The following YTHDC2 variants were observed in gnomAD, a reference collection of about 807,000 sequenced individuals.
The protein encoded by YTHDC2 is 3'-5' RNA helicase YTHDC2.
In YTHDC2, 45 loss-of-function variants were observed where a neutral mutation model predicts 174.9. That is an observed-to-expected ratio of 0.26 (90% CI 0.20 to 0.33). The LOEUF (loss-of-function observed/expected upper bound fraction) is 0.33. Among genes scored for constraint, YTHDC2 ranks in the 10% least tolerant of loss-of-function variants. YTHDC2 has a pLI of 1.00. For synonymous variants in YTHDC2, 657 were observed against 574.5 expected, an observed-to-expected ratio of 1.14 and a Z score of -2.05; for missense variants, 1,650 against 1,723.7, an observed-to-expected ratio of 0.96 and a Z score of 0.76.
At chr5:113,583,081 C>A (rs1413116394) in intron 25 of YTHDC2, 1 of 152,112 alleles carries the variant, frequency 6.6e-6, no homozygotes, top group Non-Finnish European at 1.5e-5. Context: ...ATGAAAAGTT[C>A]TGTTAGATTC....
intron 23 of YTHDC2, among the ~76,000 whole-genome samples, chr5:113,578,341 A>ATGAG (rs1778195139): frequency 6.6e-6 from 1 of 151,756 alleles, no homozygotes; most frequent in South Asian, 2.1e-4. Flanking sequence ...GACTATAGGC[A>ATGAG]TGAGTCACCA....
In YTHDC2 at chr5:113,593,486, C is replaced by G. The variant is rs1779113281; in HGVS notation, c.*12C>G. ...TTTTTTTCCCCTTTCTTCTAGAACT[C>G]TTAGCTGTGGAAGAACATCATGCCT... On this transcript the variant is annotated 3_prime_UTR_variant, in exon 30 of 30. Coordinates refer to ENST00000161863, the MANE Select transcript of YTHDC2 (RefSeq NM_022828.5). 2 of 977,500 alleles carry G rather than the reference C, an allele frequency of 2.0e-6. No homozygotes were observed. 60.6% of individuals were successfully genotyped at this position (977,500 alleles called of 1,614,324 possible).
chr5:113,567,297 G>T lies in YTHDC2; in HGVS notation c.3048G>T (p.Lys1016Asn). The T allele has an allele frequency of 6.2e-7, 1 of 1,600,304 alleles. No individual in the cohort carries two copies. Among genetic ancestry groups the T allele is most frequent in the Non-Finnish European group, 8.5e-7 (1 of 1,175,246 alleles). ...ASVLSQPQYK[K>N]IPPANGQAAA... ...TTCTCAGTCAGCCTCAATATAAAAA[G>T]GTAAAAGATTTTGAATGCTGTTGGG... The change falls in exon 22 of 30, where the codon AAG becomes AAT. Residue 1016 changes from lysine to asparagine, a missense_variant and splice_region_variant. Physicochemically the swap from Lys to Asn is moderately conservative, Grantham distance 94. Transcript: ENST00000161863.
chr5:113,589,408 A>AAAAATATATATATATATATATATAT (rs368975720), intron 26 of YTHDC2, among the ~76,000 whole-genome samples: 3 of 123,244 alleles, frequency 2.4e-5, no homozygotes, highest in African/African-American at 1.0e-4. Flanking sequence ...AAAAAAAAAA[A>AAAAATATATATATATATATATATAT]ATATATATAT....
chr5:113,515,440 T>G (rs1773349470), intron 2 of YTHDC2, 78 bp downstream of exon 2: 1 of 1,137,404 alleles, frequency 8.8e-7, no homozygotes, highest in Non-Finnish European at 1.3e-6. Flanking sequence ...TGAGTACATT[T>G]AAGTACTTAT....
intron 5 of YTHDC2, 151 bp from the exon 6 acceptor site, chr5:113,534,154 A>G: frequency 2.0e-6 from 1 of 497,676 alleles, no homozygotes; most frequent in East Asian, 3.0e-5. Context: ...ATAACTGCAA[A>G]ACCTCATAGC....
In YTHDC2 at chr5:113,590,942, A is replaced by G. The variant is rs1778971246; in HGVS notation, c.3826-99A>G. The G allele has an allele frequency of 6.1e-6, 6 of 980,768 alleles. No homozygotes were observed. In the South Asian group the frequency reaches 1.0e-4, roughly 17 times the overall value. 60.8% of individuals were successfully genotyped at this position (980,768 alleles called of 1,614,324 possible). ...TTTGCATTTGTTGAATATATGATAA[A>G]ATATTTTGGCTTATATGTTTATGAA... On this transcript the variant is annotated intron_variant, in intron 26 of 29. Coordinates refer to ENST00000161863, the MANE Select transcript of YTHDC2 (RefSeq NM_022828.5).
chr5:113,547,396 A>G (rs1775952238), intron 10 of YTHDC2, among the ~76,000 whole-genome samples: 1 of 152,212 alleles, frequency 6.6e-6, no homozygotes, highest in Non-Finnish European at 1.5e-5. Flanking sequence ...CCACCTCAAA[A>G]AACAAACCCC....
chr5:113,526,950 A>G (rs1014461766), intron 4 of YTHDC2, among the ~76,000 whole-genome samples, 165 bp downstream of exon 4: 11 of 151,636 alleles, frequency 7.3e-5, no homozygotes, highest in African/African-American at 2.7e-4. Flanking sequence ...TCAGAAGTAA[A>G]TTACTACTGG....
chr5:113,576,061 T>C (rs1778026337), intron 23 of YTHDC2, among the ~76,000 whole-genome samples: 2 of 152,174 alleles, frequency 1.3e-5, no homozygotes, highest in South Asian at 4.2e-4. Flanking sequence ...AAGGGTTCTT[T>C]TTAGACATGT....
intron 2 of YTHDC2, among the ~76,000 whole-genome samples, chr5:113,519,601 A>G (rs1773723097): frequency 6.6e-6 from 1 of 152,226 alleles, no homozygotes; most frequent in African/African-American, 2.4e-5. Context: ...TACCAAATAG[A>G]GTACCAAAGT....
intron 22 of YTHDC2, among the ~76,000 whole-genome samples, 155 bp downstream of exon 22, chr5:113,567,452 T>C (rs937204423): frequency 6.2e-5 from 9 of 144,558 alleles, no homozygotes; most frequent in Non-Finnish European, 1.2e-4. Flanking sequence ...ACAAAACTTA[T>C]AAATTTTAGA....
At position 113,566,030 on chromosome 5, in the gene YTHDC2, T is replaced by A. The variant is rs777402583; in HGVS notation, c.2842+11T>A. On this transcript the variant is annotated intron_variant, in intron 21 of 29. Transcript: ENST00000161863. ...AACTTAGAGCATCAGGTAAAGTTTT[T>A]CCCTCAAAGAGCCTATTTAAGTTAC... 1 of 1,595,324 alleles carries A rather than the reference T, an allele frequency of 6.3e-7. No individual in the cohort carries two copies. The highest frequency in any genetic ancestry group is 2.3e-5 in the East Asian group (1 of 44,252).
At chr5:113,548,772 T>C in intron 11 of YTHDC2, 105 bp downstream of exon 11, 2 of 1,293,186 alleles carry the variant, frequency 1.5e-6, no homozygotes, top group Admixed American at 3.1e-5. Context: ...TGTGTAATAA[T>C]TGCTGGTGAA....
intron 20 of YTHDC2, 119 bp downstream of exon 20, chr5:113,564,250 A>T: frequency 9.0e-7 from 1 of 1,115,218 alleles, no homozygotes; most frequent in South Asian, 1.9e-5. Context: ...TTGTTTCATT[A>T]TGAAGTCACA....
intron 10 of YTHDC2, 134 bp from the exon 11 acceptor site, chr5:113,548,407 A>G: frequency 2.6e-6 from 2 of 762,614 alleles, no homozygotes; most frequent in South Asian, 1.9e-5. Flanking sequence ...TAGTGCTGTC[A>G]TTATGTAGTT....
chr5:113,569,701 ATG>A (rs1777588770), intron 23 of YTHDC2, among the ~76,000 whole-genome samples: 1 of 151,958 alleles, frequency 6.6e-6, no homozygotes, highest in Non-Finnish European at 1.5e-5. Context: ...CCATCATTCT[ATG>A]TGTTTGTTCT....
At chr5:113,587,959 G>C (rs1211955928) in intron 26 of YTHDC2, among the ~76,000 whole-genome samples, 2 of 151,934 alleles carry the variant, frequency 1.3e-5, no homozygotes, top group Non-Finnish European at 2.9e-5. Context: ...AAATTTCAGA[G>C]TACAAGTATT....
At chr5:113,589,404 A>G (rs1386240882) in intron 26 of YTHDC2, among the ~76,000 whole-genome samples, 11 of 114,534 alleles carry the variant, frequency 9.6e-5, no homozygotes, top group African/African-American at 4.4e-4. Context: ...TTAAAAAAAA[A>G]AAAAATATAT....
Sources: gnomAD v4.1 joint callset for allele counts (sites outside exome capture counted in the v4.1 genomes callset) on GRCh38, gnomAD v4.1.1 for gene constraint, MANE v1.5 for transcripts, NCBI Gene and HGNC (gene_info 2026-07-23, HGNC 2026-07-21) for gene names.